The following GXYLT2 variants were observed in gnomAD, a reference collection of about 807,000 sequenced individuals.
GXYLT2 encodes glycosyltransferase 8 domain containing 4.
Under a neutral mutation model 45.8 loss-of-function variants are expected in GXYLT2, and 53 were observed. That is an observed-to-expected ratio of 1.16 (90% CI 0.93 to 1.46). The LOEUF is 1.46. GXYLT2 is among the 40% of genes most tolerant of loss of function. The probability of loss-of-function intolerance (pLI) is 0.00; values close to 1 mark genes in which losing one functional copy is unlikely to be tolerated. For missense variants in GXYLT2, 551 were observed against 544.4 expected (o/e 1.01, Z -0.12); for synonymous variants, 219 against 214.2 (o/e 1.02, Z -0.19).
chr3:72,953,214 A>C (rs1710559816), intron 3 of GXYLT2, among the ~76,000 whole-genome samples: 1 of 152,140 alleles, frequency 6.6e-6, no homozygotes, highest in Admixed American at 6.6e-5. Flanking sequence ...ACATCTGAAA[A>C]TTATATGAAA....
intron 2 of GXYLT2, among the ~76,000 whole-genome samples, chr3:72,914,341 G>T (rs897217813): frequency 6.6e-6 from 1 of 151,976 alleles, no homozygotes; most frequent in Admixed American, 6.6e-5. Flanking sequence ...CAGCCAGTTG[G>T]TTTCCTAGGC....
intron 3 of GXYLT2, among the ~76,000 whole-genome samples, chr3:72,923,026 G>A (rs528210712): frequency 1.2e-4 from 18 of 152,142 alleles, no homozygotes; most frequent in African/African-American, 2.7e-4. Flanking sequence ...AGGCTGAGGC[G>A]AGTGAGTCAC....
intron 3 of GXYLT2, chr3:72,929,377 T>C (rs989902597): frequency 4.7e-6 from 5 of 1,061,570 alleles, no homozygotes; most frequent in Admixed American, 3.4e-5. Context: ...AAAAAAAATA[T>C]GAGTCAGTCA....
At chr3:72,893,396 T>C (rs570459709) in intron 1 of GXYLT2, among the ~76,000 whole-genome samples, 3 of 152,338 alleles carry the variant, frequency 2.0e-5, no homozygotes, top group East Asian at 1.9e-4. Flanking sequence ...TTCAGGACTA[T>C]GCTCAAATGT....
At chr3:72,964,089 C>T (rs1291881472) in intron 5 of GXYLT2, among the ~76,000 whole-genome samples, 2 of 152,084 alleles carry the variant, frequency 1.3e-5, no homozygotes, top group Non-Finnish European at 2.9e-5. Flanking sequence ...GGATTATAGG[C>T]ATGAGCCACC....
At chr3:72,949,163 T>C (rs1372009402) in intron 3 of GXYLT2, among the ~76,000 whole-genome samples, 4 of 152,172 alleles carry the variant, frequency 2.6e-5, no homozygotes, top group Non-Finnish European at 5.9e-5. Context: ...TTTGTCAACA[T>C]AGTTCCTGAT....
chr3:72,937,355 A>G (rs1710205840), intron 3 of GXYLT2, among the ~76,000 whole-genome samples: 1 of 152,248 alleles, frequency 6.6e-6, no homozygotes, highest in Non-Finnish European at 1.5e-5. Context: ...TACAGTTGAA[A>G]ATAGTTTAAG....
In GXYLT2 at chr3:72,888,475, G is replaced by A. The variant is rs1393401605; in HGVS notation, c.242G>A (p.Arg81His). ...RPPRPRPRAG[R>H]RGAARLEKLA... ...CCGCGTCCGCGCCCCCGAGCGGGCC[G>A]CCGGGGCGCTGCGAGACTGGAGAAG... The change falls in exon 1 of 7, where the codon CGC (arginine) becomes CAC (histidine). Residue 81 changes from arginine (R) to histidine (H), a missense_variant. Arg to His is a conservative substitution (Grantham distance 29, BLOSUM62 0). Coordinates refer to ENST00000389617, the MANE Select transcript of GXYLT2 (RefSeq NM_001080393.2). 2.8e-5 allele frequency: 35 copies of A among 1,247,718 alleles called. No individual in the cohort carries two copies. Among genetic ancestry groups the A allele is most frequent in the Admixed American group, 7.5e-5 (2 of 26,646 alleles). The allele number at this position is 1,247,718 out of a possible 1,614,324, so 77.3% of individuals were successfully genotyped here. A position where few individuals can be genotyped will look rare whatever the true frequency, so the allele number is the denominator to read the frequency against.
intron 3 of GXYLT2, chr3:72,929,094 A>G (rs1005879429): frequency 6.3e-7 from 1 of 1,591,072 alleles, no homozygotes; most frequent in Non-Finnish European, 8.5e-7. Context: ...CAGGACTCAG[A>G]GGCCGTCATC....
At chr3:72,937,590 G>C (rs1406381064) in intron 3 of GXYLT2, among the ~76,000 whole-genome samples, 1 of 152,098 alleles carries the variant, frequency 6.6e-6, no homozygotes, top group Non-Finnish European at 1.5e-5. Flanking sequence ...TTTTCCTGGG[G>C]TAAATCTTGG....
At chr3:72,898,509 A>G (rs1244144999) in intron 1 of GXYLT2, among the ~76,000 whole-genome samples, 1 of 152,252 alleles carries the variant, frequency 6.6e-6, no homozygotes, top group Non-Finnish European at 1.5e-5. Context: ...AGAATAGTCC[A>G]GGTGCCTTCA....
At chr3:72,974,185 G>C (rs867888743) in intron 6 of GXYLT2, among the ~76,000 whole-genome samples, 1 of 152,068 alleles carries the variant, frequency 6.6e-6, no homozygotes, top group South Asian at 2.1e-4. Flanking sequence ...ATACATGTGC[G>C]TAACTAAGTG....
chr3:72,955,608 G>C (rs1710625423), intron 4 of GXYLT2, among the ~76,000 whole-genome samples: 1 of 152,174 alleles, frequency 6.6e-6, no homozygotes, highest in South Asian at 2.1e-4. Flanking sequence ...CATAATGTTT[G>C]AACGCTTCAT....
rs774693806 is a variant in GXYLT2 at position 72,904,877 on chromosome 3, C to CAA, written c.276-3470_276-3469dup. Reference sequence around the variant, plus strand: ...CAAAACCCCATCTCTACTAAAGATACAAAAAAAAAAAAAAAAAAAAATTAA... The same window carrying CAA: ...CAAAACCCCATCTCTACTAAAGATACAAAAAAAAAAAAAAAAAAAAAAATTAA... On this transcript the variant is annotated intron_variant, in intron 1 of 6. Coordinates refer to ENST00000389617, the MANE Select transcript of GXYLT2 (RefSeq NM_001080393.2). 1.4e-3 allele frequency among the ~76,000 whole-genome samples: 44 copies of CAA among 30,630 alleles called. 1 individual carries two copies. The highest frequency in any genetic ancestry group is 0.012 in the East Asian group (21 of 1,686). The allele number at this position is 30,630 out of a possible 152,430, so 20.1% of individuals were successfully genotyped here.
Position 72,888,189 on chromosome 3 carries a change from A to AGGGGCCGAGCCGCCTG in GXYLT2, c.-37_-22dup. On this transcript the variant is annotated 5_prime_UTR_variant, in exon 1 of 7. Transcript: ENST00000389617. ...ATCCTGCCGCCGCCGCGATGCGCAG[A>AGGGGCCGAGCCGCCTG]GGGGCCGAGCCGCCTGGGGGCCGCC... The AGGGGCCGAGCCGCCTG allele has an allele frequency of 2.0e-6, 2 of 981,472 alleles. No individual in the cohort carries two copies. Among genetic ancestry groups the AGGGGCCGAGCCGCCTG allele is most frequent in the Non-Finnish European group, 2.4e-6 (2 of 829,016 alleles). The allele number at this position is 981,472 out of a possible 1,614,324, so 60.8% of individuals were successfully genotyped here.
In GXYLT2 at chr3:72,943,677, C is replaced by G. The variant is rs144791194; in HGVS notation, c.601-11421C>G. On this transcript the variant is annotated intron_variant, in intron 3 of 6. Transcript: ENST00000389617. ...CAGGCGTGATTACAGCACCCAGCCT[C>G]TTTTTCCTGTTCTTTATTATGATAA... 3.6e-3 allele frequency among the ~76,000 whole-genome samples: 537 copies of G among 150,724 alleles called. 1 individual carries two copies. Among genetic ancestry groups the G allele is most frequent in the African/African-American group, 0.012 (499 of 41,038 alleles).
intron 1 of GXYLT2, among the ~76,000 whole-genome samples, chr3:72,895,876 CA>C (rs1440689238): frequency 6.6e-6 from 1 of 152,178 alleles, no homozygotes; most frequent in Non-Finnish European, 1.5e-5. Context: ...TCTCTTTTAG[CA>C]ACATGAGAGA....
intron 3 of GXYLT2, among the ~76,000 whole-genome samples, chr3:72,946,276 GAAAAAAAA>G: frequency 1.7e-5 from 1 of 59,484 alleles, no homozygotes; most frequent in South Asian, 9.3e-4. Flanking sequence ...GACCCTGTCT[GAAAAAAAA>G]AAAAAAAAAA....
chr3:72,943,379 CTT>C (rs72467098), intron 3 of GXYLT2, among the ~76,000 whole-genome samples: 62 of 141,148 alleles, frequency 4.4e-4, no homozygotes, highest in Non-Finnish European at 4.5e-4. Context: ...TCTCTTTTTC[CTT>C]TTTTTTTTTT....
Sources: allele counts gnomAD v4.1 joint callset (sites outside exome capture counted in the v4.1 genomes callset), GRCh38; gene constraint gnomAD v4.1.1; transcripts MANE v1.5; gene names NCBI Gene and HGNC (gene_info 2026-07-23, HGNC 2026-07-21).